Variants in MARCHF1 observed in about 807,000 individuals in gnomAD.
MARCHF1 encodes the protein membrane associated ring-CH-type finger 1.
Under a neutral mutation model 54.2 loss-of-function variants are expected in MARCHF1, and 40 were observed. The observed-to-expected ratio is 0.74, with a 90% confidence interval of 0.57 to 0.96. MARCHF1 has a LOEUF of 0.96. Ranked by LOEUF, MARCHF1 falls within the 40% of genes least tolerant of loss-of-function variation. MARCHF1 has a pLI of 0.00. For synonymous variants in MARCHF1, 236 were observed against 236.3 expected, an observed-to-expected ratio of 1.00 and a Z score of 0.01; for missense variants, 586 against 656.5, an observed-to-expected ratio of 0.89 and a Z score of 1.17.
chr4:163,607,595 T>G (rs906808900), intron 7 of MARCHF1, among the ~76,000 whole-genome samples: 8 of 152,086 alleles, frequency 5.3e-5, no homozygotes, highest in African/African-American at 1.7e-4. Flanking sequence ...TCTAACAATG[T>G]GAAGTACAGG....
At chr4:163,572,624 T>C (rs1332300932) in intron 8 of MARCHF1, among the ~76,000 whole-genome samples, 1 of 152,124 alleles carries the variant, frequency 6.6e-6, no homozygotes, top group East Asian at 1.9e-4. Context: ...GTAGGGGTCT[T>C]TGTGCCACGG....
At chr4:163,899,228 T>C (rs1750883368) in intron 3 of MARCHF1, among the ~76,000 whole-genome samples, 1 of 152,154 alleles carries the variant, frequency 6.6e-6, no homozygotes, top group Non-Finnish European at 1.5e-5. Flanking sequence ...TTAAATTTGT[T>C]CCCCCTCCTC....
chr4:164,231,684 C>T (rs1732417602), intron 1 of MARCHF1, among the ~76,000 whole-genome samples: 1 of 152,038 alleles, frequency 6.6e-6, no homozygotes, highest in African/African-American at 2.4e-5. Flanking sequence ...ACATAGGGTC[C>T]TATCTTTTGC....
chr4:163,938,922 A>C (rs966648108), intron 3 of MARCHF1, among the ~76,000 whole-genome samples: 2 of 152,102 alleles, frequency 1.3e-5, no homozygotes, highest in Admixed American at 1.3e-4. Context: ...AATTATCTCC[A>C]CCTGGTCCTG....
Position 163,528,113 on chromosome 4 carries a change from A to AAAC in MARCHF1, c.*632_*634dup, listed in dbSNP as rs1738199144. ...TTTCTGAAAATCTTTTGCGTGACTT[A>AAAC]AACAAACGTAATTAATTCCAAATAT... On this transcript the variant is annotated 3_prime_UTR_variant, in exon 10 of 10. Transcript: ENST00000514618. 6.6e-6 allele frequency: 1 copy of AAAC among 152,464 alleles called. No individual in the cohort carries two copies. The highest frequency in any genetic ancestry group is 2.1e-4 in the South Asian group (1 of 4,832). 9.4% of individuals were successfully genotyped at this position (152,464 alleles called of 1,614,324 possible). A position where few individuals can be genotyped will look rare whatever the true frequency, so the allele number is the denominator to read the frequency against.
At chr4:164,226,311 A>G (rs1432542764) in intron 1 of MARCHF1, among the ~76,000 whole-genome samples, 4 of 152,118 alleles carry the variant, frequency 2.6e-5, no homozygotes, top group Non-Finnish European at 5.9e-5. Context: ...TCACCTCTGT[A>G]AATCAGCAAT....
In MARCHF1 at chr4:163,780,794, T is replaced by C. The variant is rs114374369; in HGVS notation, c.111+73227A>G. 7.3e-3 allele frequency among the ~76,000 whole-genome samples: 1,105 copies of C among 152,340 alleles called. 8 individuals are homozygous for C. The highest frequency in any genetic ancestry group is 0.03 in the South Asian group (147 of 4,826). ...TCTCTTCGGTGGGAAAATCATTCTA[T>C]GTGCGTTTGGCAGGGTTGTCTGCAT... On this transcript the variant is annotated intron_variant, in intron 4 of 9. Coordinates refer to ENST00000514618, the MANE Select transcript of MARCHF1 (RefSeq NM_001394959.1).
chr4:164,085,140 T>C (rs1424449718), intron 2 of MARCHF1, among the ~76,000 whole-genome samples: 4 of 151,954 alleles, frequency 2.6e-5, no homozygotes, highest in South Asian at 2.1e-4. Flanking sequence ...TATCCCAAAG[T>C]ACAGGATTGG....
intron 1 of MARCHF1, among the ~76,000 whole-genome samples, chr4:164,370,845 T>C (rs1731019180): frequency 6.6e-6 from 1 of 151,716 alleles, no homozygotes; most frequent in Non-Finnish European, 1.5e-5. Flanking sequence ...GAGGCGGAGG[T>C]TGCATTGAGC....
chr4:163,550,281 C>CAAAAA (rs60320461), intron 8 of MARCHF1, among the ~76,000 whole-genome samples: 36 of 104,868 alleles, frequency 3.4e-4, no homozygotes, highest in Non-Finnish European at 5.4e-4. Flanking sequence ...GACTCCGTCT[C>CAAAAA]AAAAAAAAAA....
intron 3 of MARCHF1, among the ~76,000 whole-genome samples, chr4:163,900,441 T>C (rs934375459): frequency 3.9e-5 from 6 of 151,994 alleles, no homozygotes; most frequent in Non-Finnish European, 7.4e-5. Context: ...AAATGCAAAA[T>C]CCTTATATAG....
intron 1 of MARCHF1, among the ~76,000 whole-genome samples, chr4:164,377,967 T>A (rs920146543): frequency 5.3e-5 from 8 of 152,208 alleles, no homozygotes; most frequent in African/African-American, 1.9e-4. Context: ...ACATCTATGT[T>A]TATTATCAGT....
chr4:164,067,169 AG>A (rs574098287), intron 2 of MARCHF1, among the ~76,000 whole-genome samples: 98 of 152,302 alleles, frequency 6.4e-4, no homozygotes, highest in Non-Finnish European at 1.2e-3. Flanking sequence ...TATGGCCCAA[AG>A]AAATTCACAG....
intron 8 of MARCHF1, among the ~76,000 whole-genome samples, chr4:163,557,999 C>T (rs1171687594): frequency 6.6e-6 from 1 of 152,118 alleles, no homozygotes; most frequent in Non-Finnish European, 1.5e-5. Flanking sequence ...TAAAAGTCTT[C>T]TGATACTTGA....
chr4:163,642,616 ATTGT>A (rs978642702), intron 5 of MARCHF1, among the ~76,000 whole-genome samples: 150 of 152,162 alleles, frequency 9.9e-4, no homozygotes, highest in African/African-American at 3.4e-3. Flanking sequence ...TTACAATTAG[ATTGT>A]TTTGTGTGTT....
At chr4:163,711,461 G>A (rs1745103937) in intron 4 of MARCHF1, among the ~76,000 whole-genome samples, 1 of 152,146 alleles carries the variant, frequency 6.6e-6, no homozygotes, top group Non-Finnish European at 1.5e-5. Context: ...TCTGTGCCCA[G>A]GAGGCACACC....
intron 1 of MARCHF1, among the ~76,000 whole-genome samples, chr4:164,202,635 C>T (rs1200675248): frequency 6.6e-6 from 1 of 152,148 alleles, no homozygotes; most frequent in Non-Finnish European, 1.5e-5. Flanking sequence ...GTACTCAAAC[C>T]AGGATTTAAA....
intron 3 of MARCHF1, among the ~76,000 whole-genome samples, chr4:163,907,115 T>C (rs1751088305): frequency 6.6e-6 from 1 of 152,040 alleles, no homozygotes; most frequent in African/African-American, 2.4e-5. Flanking sequence ...CATACTTTCC[T>C]TGTATTCAGA....
chr4:163,855,967 G>C (rs1420485039), intron 3 of MARCHF1, among the ~76,000 whole-genome samples: 1 of 152,152 alleles, frequency 6.6e-6, no homozygotes, highest in East Asian at 1.9e-4. Context: ...TTTGGGTTCA[G>C]TGCATCGATC....
Sources: allele counts gnomAD v4.1 joint callset (sites outside exome capture counted in the v4.1 genomes callset), GRCh38; gene constraint gnomAD v4.1.1; transcripts MANE v1.5; gene names NCBI Gene and HGNC (gene_info 2026-07-23, HGNC 2026-07-21).